The following PTPRN2 variants were observed in gnomAD, a reference collection of about 807,000 sequenced individuals.
The protein encoded by PTPRN2 is receptor-type tyrosine-protein phosphatase N2.
Under a neutral mutation model 118.8 loss-of-function variants are expected in PTPRN2, and 74 were observed. That is an observed-to-expected ratio of 0.62 (90% CI 0.52 to 0.76). PTPRN2 has a LOEUF of 0.76. PTPRN2 is among the 30% of genes least tolerant of loss of function. PTPRN2 has a pLI of 0.00. For synonymous variants in PTPRN2, 641 were observed against 608.0 expected, an observed-to-expected ratio of 1.05 and a Z score of -0.80; for missense variants, 1,481 against 1,394.4, an observed-to-expected ratio of 1.06 and a Z score of -0.99.
intron 2 of PTPRN2, among the ~76,000 whole-genome samples, chr7:158,363,025 C>T (rs1407233659): frequency 5.3e-5 from 8 of 152,182 alleles, no homozygotes; most frequent in Non-Finnish European, 1.0e-4. Context: ...GGAACAGAGG[C>T]GGCCCCAGCT....
chr7:157,783,109 G>A (rs981888195), intron 12 of PTPRN2, among the ~76,000 whole-genome samples: 5 of 152,222 alleles, frequency 3.3e-5, no homozygotes, highest in South Asian at 2.1e-4. Flanking sequence ...CCTTGCTGCC[G>A]CCACGTGAAG....
chr7:158,355,504 T>C (rs1808313036), intron 2 of PTPRN2, among the ~76,000 whole-genome samples: 1 of 152,168 alleles, frequency 6.6e-6, no homozygotes, highest in South Asian at 2.1e-4. Context: ...AACAGAGAAC[T>C]GAGGAAATGC....
intron 1 of PTPRN2, among the ~76,000 whole-genome samples, chr7:158,520,082 A>G (rs1456944761): frequency 6.6e-6 from 1 of 152,164 alleles, no homozygotes; most frequent in Non-Finnish European, 1.5e-5. Flanking sequence ...CCCCACTCAA[A>G]CTTGTCATTT....
chr7:157,539,781 C>T lies in PTPRN2; in HGVS notation c.*933G>A, dbSNP rs539988410. 2 of 151,938 alleles carry T rather than the reference C, an allele frequency of 1.3e-5. No individual in the cohort carries two copies. Among genetic ancestry groups the T allele is most frequent in the Non-Finnish European group, 2.9e-5 (2 of 68,088 alleles). The allele number at this position is 151,938 out of a possible 1,614,324, so 9.4% of individuals were successfully genotyped here. ...CTCTCCCAGGAGGGAAATGTCCCCT[C>T]TCTGGGGCCCCACAGGTCCGGGACG... is the stretch of plus-strand genomic sequence containing the variant. On this transcript the variant is annotated 3_prime_UTR_variant, in exon 23 of 23. Transcript: ENST00000389418.
intron 2 of PTPRN2, among the ~76,000 whole-genome samples, chr7:158,350,221 C>T (rs569210076): frequency 6.6e-6 from 1 of 152,340 alleles, no homozygotes; most frequent in East Asian, 1.9e-4. Flanking sequence ...CTAAGAGTTG[C>T]TGCCCGAGGA....
intron 3 of PTPRN2, among the ~76,000 whole-genome samples, chr7:158,278,916 T>C (rs1221281361): frequency 1.3e-5 from 2 of 152,136 alleles, no homozygotes; most frequent in African/African-American, 4.8e-5. Flanking sequence ...CTCATAAAGG[T>C]AGCATATCCG....
intron 3 of PTPRN2, among the ~76,000 whole-genome samples, chr7:158,298,635 A>G (rs1800658805): frequency 6.6e-6 from 1 of 152,220 alleles, no homozygotes; most frequent in Non-Finnish European, 1.5e-5. Context: ...TGGCCGAGAA[A>G]CTTCCCAAGT....
chr7:157,542,842 CAGG>C (rs1276376474), intron 22 of PTPRN2, among the ~76,000 whole-genome samples: 3 of 152,228 alleles, frequency 2.0e-5, no homozygotes, highest in Admixed American at 2.0e-4. Flanking sequence ...CGTCGGCTGG[CAGG>C]AGGAGGGGGT....
At chr7:158,070,960 A>T (rs1464708125) in intron 11 of PTPRN2, among the ~76,000 whole-genome samples, 4 of 85,416 alleles carry the variant, frequency 4.7e-5, no homozygotes, top group African/African-American at 1.7e-4. Context: ...GTGGTGGTGG[A>T]GGTGCTCACG....
intron 11 of PTPRN2, among the ~76,000 whole-genome samples, chr7:157,967,455 C>G (rs1299472206): frequency 6.6e-6 from 1 of 152,168 alleles, no homozygotes; most frequent in Non-Finnish European, 1.5e-5. Flanking sequence ...GGTAGAGACT[C>G]TGTGTGGCAG....
intron 11 of PTPRN2, among the ~76,000 whole-genome samples, chr7:157,996,365 C>T (rs551130152): frequency 6.6e-6 from 1 of 152,250 alleles, no homozygotes. Context: ...GCCCAGACTT[C>T]ACCACTACAC....
At chr7:157,708,243 C>T (rs1169570043) in intron 12 of PTPRN2, among the ~76,000 whole-genome samples, 1 of 152,224 alleles carries the variant, frequency 6.6e-6, no homozygotes. Flanking sequence ...CAGGCACATC[C>T]TCTCCTCTGC....
intron 13 of PTPRN2, among the ~76,000 whole-genome samples, chr7:157,678,299 A>T (rs115362282): frequency 6.3e-4 from 96 of 152,344 alleles, no homozygotes; most frequent in African/African-American, 2.1e-3. Context: ...AGGCTTTGTT[A>T]AAAACTTCTG....
chr7:157,814,059 G>A (rs781352649), intron 12 of PTPRN2, among the ~76,000 whole-genome samples: 2 of 152,216 alleles, frequency 1.3e-5, no homozygotes, highest in Non-Finnish European at 2.9e-5. Context: ...GGCAGTGGTC[G>A]CCACACCCAC....
At chr7:157,841,756 C>T (rs552962886) in intron 12 of PTPRN2, among the ~76,000 whole-genome samples, 1 of 152,180 alleles carries the variant, frequency 6.6e-6, no homozygotes, top group African/African-American at 2.4e-5. Flanking sequence ...TTGAGAAACA[C>T]TACTATTTTT....
At chr7:158,571,762 TA>T (rs989151262) in intron 1 of PTPRN2, among the ~76,000 whole-genome samples, 390 of 151,788 alleles carry the variant, frequency 2.6e-3, no homozygotes, top group African/African-American at 9.1e-3. Flanking sequence ...TCCAAAAAAA[TA>T]AAAACCAATT....
chr7:158,379,390 AGAG>A (rs1166671454), intron 2 of PTPRN2, among the ~76,000 whole-genome samples: 1 of 152,000 alleles, frequency 6.6e-6, no homozygotes, highest in Non-Finnish European at 1.5e-5. Context: ...AGACAGGAAC[AGAG>A]GAGGGGAGGG....
intron 11 of PTPRN2, among the ~76,000 whole-genome samples, chr7:158,007,028 G>A (rs894275699): frequency 1.3e-5 from 2 of 152,242 alleles, no homozygotes; most frequent in South Asian, 2.1e-4. Context: ...TCCGGGCTTC[G>A]GTTTCTCCTG....
At chr7:158,507,073 G>A (rs1037685884) in intron 1 of PTPRN2, among the ~76,000 whole-genome samples, 3 of 152,246 alleles carry the variant, frequency 2.0e-5, no homozygotes, top group Admixed American at 6.5e-5. Context: ...AGGTTTGAAG[G>A]GTGGAGAGGC....
Sources: allele counts gnomAD v4.1 joint callset (sites outside exome capture counted in the v4.1 genomes callset), GRCh38; gene constraint gnomAD v4.1.1; transcripts MANE v1.5; gene names NCBI Gene and HGNC (gene_info 2026-07-23, HGNC 2026-07-21).